ROBO2: variants seen among roughly 807,000 people sequenced by gnomAD.
ROBO2 encodes the protein roundabout homolog 2.
ROBO2 carries 53 observed loss-of-function variants against 160.8 expected under a neutral mutation model. The ratio of observed to expected loss-of-function variants is 0.33; its 90% CI spans 0.26 to 0.41. The LOEUF is 0.41. ROBO2 is among the 10% of genes least tolerant of loss of function. The pLI, the probability that ROBO2 is intolerant of heterozygous loss-of-function variation, is 1.00. For synonymous variants in ROBO2, 664 were observed against 611.7 expected (o/e 1.09, Z -1.26); for missense variants, 1,577 against 1,722.4 (o/e 0.92, Z 1.49).
intron 2 of ROBO2, among the ~76,000 whole-genome samples, chr3:76,934,959 A>AT (rs1362508946): frequency 0.037 from 5,454 of 147,340 alleles, 228 homozygotes; most frequent in African/African-American, 0.11. Context: ...GGCTTCACAA[A>AT]TTTTTTTTTT....
chr3:76,234,751 T>C (rs1367977191), intron 2 of ROBO2, among the ~76,000 whole-genome samples: 1 of 152,226 alleles, frequency 6.6e-6, no homozygotes, highest in African/African-American at 2.4e-5. Flanking sequence ...GTAAAATTTG[T>C]CCTGCTAAGT....
intron 2 of ROBO2, among the ~76,000 whole-genome samples, chr3:75,985,998 G>A (rs1298237390): frequency 1.3e-5 from 2 of 151,616 alleles, no homozygotes; most frequent in African/African-American, 2.4e-5. Flanking sequence ...TAATATTGCT[G>A]TGAACGTGTG....
chr3:76,675,546 A>C (rs996246469), intron 2 of ROBO2, among the ~76,000 whole-genome samples: 3 of 152,170 alleles, frequency 2.0e-5, no homozygotes, highest in Non-Finnish European at 2.9e-5. Flanking sequence ...ATGACCTGCA[A>C]ATTAACCCTA....
chr3:77,024,606 C>G (rs1460629927), intron 2 of ROBO2, among the ~76,000 whole-genome samples: 1 of 152,074 alleles, frequency 6.6e-6, no homozygotes, highest in Admixed American at 6.6e-5. Flanking sequence ...ATAACCAAGA[C>G]CTGGGAGACC....
chr3:76,934,958 A>ATTTTTTTTTTTTTTTTTTTTTTTTTTTT (rs151316771), intron 2 of ROBO2, among the ~76,000 whole-genome samples: 2 of 146,730 alleles, frequency 1.4e-5, no homozygotes, highest in Non-Finnish European at 1.5e-5. Context: ...AGGCTTCACA[A>ATTTTTTTTTTTTTTTTTTTTTTTTTTTT]ATTTTTTTTT....
At chr3:76,199,323 C>T (rs993866066) in intron 2 of ROBO2, among the ~76,000 whole-genome samples, 24 of 152,118 alleles carry the variant, frequency 1.6e-4, no homozygotes, top group African/African-American at 5.8e-4. Context: ...AAATAGCTCT[C>T]AGTTGACAGC....
chr3:77,143,176 T>C (rs1024607747), intron 2 of ROBO2, among the ~76,000 whole-genome samples: 6 of 37,644 alleles, frequency 1.6e-4, no homozygotes, highest in African/African-American at 6.1e-4. Context: ...AACAGCAGCT[T>C]TTTTTTTTTT....
At chr3:76,839,400 C>G (rs1442470795) in intron 2 of ROBO2, among the ~76,000 whole-genome samples, 1 of 152,100 alleles carries the variant, frequency 6.6e-6, no homozygotes, top group Non-Finnish European at 1.5e-5. Context: ...AACCTTATTT[C>G]ACTTAATGTA....
At chr3:76,276,373 A>G (rs933790114) in intron 2 of ROBO2, among the ~76,000 whole-genome samples, 10 of 152,214 alleles carry the variant, frequency 6.6e-5, no homozygotes, top group Middle Eastern at 3.4e-3. Context: ...CATTGTATCA[A>G]TCACACTAGC....
At chr3:76,725,552 C>T (rs2093537595) in intron 2 of ROBO2, among the ~76,000 whole-genome samples, 1 of 152,164 alleles carries the variant, frequency 6.6e-6, no homozygotes, top group African/African-American at 2.4e-5. Context: ...GCTATATGTG[C>T]AGATGCTTAT....
chr3:76,579,065 C>T (rs2085488671), intron 2 of ROBO2, among the ~76,000 whole-genome samples: 1 of 152,114 alleles, frequency 6.6e-6, no homozygotes, highest in African/African-American at 2.4e-5. Flanking sequence ...TTACTTCGAT[C>T]ATTTTGGATT....
intron 2 of ROBO2, among the ~76,000 whole-genome samples, chr3:76,578,046 A>G (rs1054912690): frequency 1.3e-5 from 2 of 152,158 alleles, no homozygotes; most frequent in Non-Finnish European, 2.9e-5. Context: ...AATTAATAAG[A>G]GCAAAGAAAA....
intron 2 of ROBO2, among the ~76,000 whole-genome samples, chr3:77,142,865 G>C (rs761453849): frequency 6.6e-6 from 1 of 152,138 alleles, no homozygotes; most frequent in Non-Finnish European, 1.5e-5. Flanking sequence ...GCAATGCAGC[G>C]ACCTGTCGCT....
At chr3:76,149,242 CCTTT>C (rs776941349) in intron 2 of ROBO2, among the ~76,000 whole-genome samples, 2 of 152,112 alleles carry the variant, frequency 1.3e-5, no homozygotes, top group Non-Finnish European at 2.9e-5. Context: ...ACTTGCAGAC[CCTTT>C]CTAAGAAGGG....
intron 2 of ROBO2, among the ~76,000 whole-genome samples, chr3:76,943,277 C>T (rs533998561): frequency 2.4e-4 from 36 of 152,232 alleles, no homozygotes; most frequent in Non-Finnish European, 2.9e-5. Flanking sequence ...CCTCTGACCC[C>T]CTTTATCTTG....
chr3:76,856,514 A>G (rs987296041), intron 2 of ROBO2, among the ~76,000 whole-genome samples: 2 of 152,190 alleles, frequency 1.3e-5, no homozygotes, highest in African/African-American at 2.4e-5. Context: ...CTCATGTTGT[A>G]TATTTGATCT....
chr3:76,993,993 C>T (rs1216033502), intron 2 of ROBO2, among the ~76,000 whole-genome samples: 1 of 151,810 alleles, frequency 6.6e-6, no homozygotes, highest in African/African-American at 2.4e-5. Context: ...GACTTAATGC[C>T]ACCCTGGTAA....
chr3:75,971,958 G>A (rs2065008854), intron 2 of ROBO2, among the ~76,000 whole-genome samples: 1 of 151,520 alleles, frequency 6.6e-6, no homozygotes, highest in Admixed American at 6.6e-5. Flanking sequence ...TATTGGTTAT[G>A]TTGTGAAATC....
intron 2 of ROBO2, among the ~76,000 whole-genome samples, chr3:76,326,973 A>C (rs992542292): frequency 6.6e-6 from 1 of 151,994 alleles, no homozygotes; most frequent in Non-Finnish European, 1.5e-5. Context: ...TACATACATA[A>C]TTTTGTATCT....
Sources: gnomAD v4.1 joint callset for allele counts (sites outside exome capture counted in the v4.1 genomes callset) on GRCh38, gnomAD v4.1.1 for gene constraint, MANE v1.5 for transcripts, NCBI Gene and HGNC (gene_info 2026-07-23, HGNC 2026-07-21) for gene names.